The following RBM38 variants were observed in gnomAD, a reference collection of about 807,000 sequenced individuals.
RBM38 encodes the protein RNA-binding protein 38.
In RBM38, 11 loss-of-function variants were observed where a neutral mutation model predicts 23.5. The ratio of observed to expected loss-of-function variants is 0.47; its 90% CI spans 0.29 to 0.77. The LOEUF (loss-of-function observed/expected upper bound fraction) is 0.77. RBM38 is among the 30% of genes least tolerant of loss of function. The pLI is 0.08. For missense variants in RBM38, 330 were observed against 351.9 expected (o/e 0.94, Z 0.50); for synonymous variants, 165 against 166.1 (o/e 0.99, Z 0.05).
chr20:57,392,799 C>T, intron 2 of RBM38, 22 bp downstream of exon 2: 1 of 1,607,932 alleles, frequency 6.2e-7, no homozygotes, highest in Non-Finnish European at 8.5e-7. Context: ...TGTTTTCCTG[C>T]CTGGCTCTTC....
intron 1 of RBM38, 114 bp from the exon 2 acceptor site, chr20:57,392,540 C>T (rs755613980): frequency 1.5e-4 from 227 of 1,517,412 alleles, no homozygotes; most frequent in Non-Finnish European, 2.0e-4. Context: ...TCACAGGCAC[C>T]CTCAGAGGAA....
intron 3 of RBM38, among the ~76,000 whole-genome samples, chr20:57,399,479 G>A (rs914213171): frequency 6.6e-6 from 1 of 152,212 alleles, no homozygotes; most frequent in African/African-American, 2.4e-5. Context: ...GGGAAAGAAA[G>A]AGGAGTCCAA....
At position 57,407,546 on chromosome 20, in the gene RBM38, G is replaced by T; in HGVS notation, c.420G>T (p.Leu140=). ...CCTGCTCTGCTTGGCCCCACAGGCT[G>T]ACCCCGCACTACATCTACCCACCAG... ...HPTLIQRTYG[L]TPHYIYPPAI... is the part of the protein sequence containing the mutation. Residue 140 remains leucine, a synonymous_variant, in exon 4 of 4, where the codon CTG becomes CTT. Coordinates refer to ENST00000356208, the MANE Select transcript of RBM38 (RefSeq NM_017495.6). The surrounding 1 kb of genome is among the most constrained non-coding windows in gnomAD (Gnocchi z 4.0). The T allele has an allele frequency of 1.9e-6, 3 of 1,613,270 alleles. No homozygotes were observed. Among genetic ancestry groups the T allele is most frequent in the African/African-American group, 2.7e-5 (2 of 75,026 alleles).
In RBM38 at chr20:57,391,567, G is replaced by A. The variant is rs540339455; in HGVS notation, c.-15G>A. 1.5e-3 allele frequency: 1,682 copies of A among 1,099,896 alleles called. 7 individuals carry two copies. Among genetic ancestry groups the A allele is most frequent in the South Asian group, 0.012 (290 of 23,386 alleles). The allele number at this position is 1,099,896 out of a possible 1,614,324, so 68.1% of individuals were successfully genotyped here. A position where few individuals can be genotyped will look rare whatever the true frequency, so the allele number is the denominator to read the frequency against. On this transcript the variant is annotated 5_prime_UTR_variant, in exon 1 of 4. Transcript: ENST00000356208. ...CCCCGCGCGGCCCGGGTCCGTAGGC[G>A]GCGGGGCGCCCCCCATGCTGCTGCA...
Position 57,408,813 on chromosome 20 carries a change from C to A in RBM38, c.*967C>A, listed in dbSNP as rs1255780399. ...CCGTCACTGCGACGTTGACACTCCT[C>A]TCCCTTCCCTTCCTCCCCAACTCCC... is the stretch of plus-strand genomic sequence containing the variant. On this transcript the variant is annotated 3_prime_UTR_variant, in exon 4 of 4. Transcript: ENST00000356208. The A allele has an allele frequency of 1.3e-5, 2 of 152,580 alleles. No individual in the cohort carries two copies. Among genetic ancestry groups the A allele is most frequent in the Non-Finnish European group, 2.9e-5 (2 of 68,066 alleles). The allele number at this position is 152,580 out of a possible 1,614,324, so 9.5% of individuals were successfully genotyped here.
intron 3 of RBM38, among the ~76,000 whole-genome samples, chr20:57,394,790 C>T (rs1283634329): frequency 1.3e-5 from 2 of 152,204 alleles, no homozygotes; most frequent in East Asian, 1.9e-4. Flanking sequence ...CCCAGGCCCA[C>T]AGCAGGCGCC....
At chr20:57,400,925 C>G (rs1450496908) in intron 3 of RBM38, among the ~76,000 whole-genome samples, 2 of 152,172 alleles carry the variant, frequency 1.3e-5, no homozygotes, top group Non-Finnish European at 2.9e-5. Flanking sequence ...GCGCGTGGGA[C>G]TCCAGCAGCG....
intron 3 of RBM38, among the ~76,000 whole-genome samples, chr20:57,404,708 G>T (rs1031546566): frequency 6.6e-6 from 1 of 152,272 alleles, no homozygotes; most frequent in Non-Finnish European, 1.5e-5. Context: ...AGAGAGCTGG[G>T]AGTCCAGACA....
intron 3 of RBM38, among the ~76,000 whole-genome samples, chr20:57,394,804 G>A (rs930091830): frequency 1.3e-4 from 20 of 152,206 alleles, no homozygotes; most frequent in Admixed American, 3.3e-4. Flanking sequence ...AGGCGCCTGG[G>A]GGCATGGACT....
chr20:57,391,800 G>A lies in RBM38; in HGVS notation c.219G>A (p.Lys73=). 1 of 1,561,062 alleles carries A rather than the reference G, an allele frequency of 6.4e-7. No individual in the cohort carries two copies. Among genetic ancestry groups the A allele is most frequent in the East Asian group, 2.5e-5 (1 of 39,766 alleles). Residue 73 remains lysine, a synonymous_variant, in exon 1 of 4, where the codon AAG becomes AAA. Transcript: ENST00000356208. ...AVVITDRQTG[K]SRGYGFVTMA... ...TCATCACCGACCGCCAGACGGGCAAGTCCCGCGGCTACGGCTTCGTAAGTG... is the reference window on the plus strand; with the variant it reads ...TCATCACCGACCGCCAGACGGGCAAATCCCGCGGCTACGGCTTCGTAAGTG...
chr20:57,393,185 G>T, intron 2 of RBM38, 94 bp from the exon 3 acceptor site: 4 of 1,183,370 alleles, frequency 3.4e-6, no homozygotes, highest in South Asian at 1.2e-5. Flanking sequence ...TTGACTAGAG[G>T]TGTGTGGCTT....
At chr20:57,406,219 C>T (rs1175728221) in intron 3 of RBM38, among the ~76,000 whole-genome samples, 1 of 152,184 alleles carries the variant, frequency 6.6e-6, no homozygotes, top group African/African-American at 2.4e-5. Context: ...AGCGGCTTGC[C>T]CCAGGCCACC....
intron 3 of RBM38, among the ~76,000 whole-genome samples, chr20:57,399,518 A>G (rs1195166424): frequency 6.6e-6 from 1 of 152,190 alleles, no homozygotes; most frequent in Non-Finnish European, 1.5e-5. Flanking sequence ...GGCCTTTGAA[A>G]TGGGAGATGG....
chr20:57,401,165 C>T (rs1600753526), intron 3 of RBM38, among the ~76,000 whole-genome samples: 1 of 152,204 alleles, frequency 6.6e-6, no homozygotes, highest in East Asian at 1.9e-4. Flanking sequence ...GAGGGAGGGC[C>T]TCTGTCCCTC....
rs541135347 is a variant in RBM38 at position 57,401,560 on chromosome 20, C to T, written c.417-5983C>T. ...TCAGATGCTCAGCACTGGGCACCTG[C>T]TGTGCTGGGGCACTTGGGACGCAGC... On this transcript the variant is annotated intron_variant, in intron 3 of 3. Coordinates refer to ENST00000356208, the MANE Select transcript of RBM38 (RefSeq NM_017495.6). 3.3e-5 allele frequency among the ~76,000 whole-genome samples: 5 copies of T among 152,368 alleles called. No homozygotes were observed. The South Asian group carries it at 1.0e-3, about 32-fold the overall frequency.
rs2067407821 is a variant in RBM38 at position 57,408,190 on chromosome 20, A to G, written c.*344A>G. The G allele has an allele frequency of 5.0e-6, 2 of 402,740 alleles. No individual in the cohort carries two copies. Among genetic ancestry groups the G allele is most frequent in the Non-Finnish European group, 9.3e-6 (2 of 214,026 alleles). 24.9% of individuals were successfully genotyped at this position (402,740 alleles called of 1,614,324 possible). ...CTCAGGCTTGTGTCCCCACTGCTGC[A>G]TCGTGGCGGGGTGTCACAGACCCTC... On this transcript the variant is annotated 3_prime_UTR_variant, in exon 4 of 4. Coordinates refer to ENST00000356208, the MANE Select transcript of RBM38 (RefSeq NM_017495.6).
intron 3 of RBM38, among the ~76,000 whole-genome samples, chr20:57,405,017 C>T (rs1304288427): frequency 6.6e-6 from 1 of 152,218 alleles, no homozygotes; most frequent in Non-Finnish European, 1.5e-5. Context: ...CTCATCCACT[C>T]TTCAGACACT....
intron 3 of RBM38, among the ~76,000 whole-genome samples, chr20:57,401,955 T>C (rs1019366372): frequency 1.3e-5 from 2 of 152,008 alleles, no homozygotes; most frequent in African/African-American, 4.8e-5. Flanking sequence ...TGTTTTCGTT[T>C]GTTTGTTTTT....
Position 57,406,984 on chromosome 20 carries a change from ACT to A in RBM38, c.417-556_417-555del, listed in dbSNP as rs537078965. ...ACTCCAGCCTGGGGAACAGAGCGAG[ACT>A]CTGTCTCAAAAAAAAAAAAAAAAAC... is the stretch of plus-strand genomic sequence containing the variant. On this transcript the variant is annotated intron_variant, in intron 3 of 3. Transcript: ENST00000356208. 5.8e-5 allele frequency among the ~76,000 whole-genome samples: 8 copies of A among 137,048 alleles called. No individual in the cohort carries two copies. The South Asian group carries it at 1.8e-3, about 31-fold the overall frequency. The allele number at this position is 137,048 out of a possible 152,430, so 89.9% of individuals were successfully genotyped here. A position where few individuals can be genotyped will look rare whatever the true frequency, so the allele number is the denominator to read the frequency against.
Sources: gnomAD v4.1 joint callset for allele counts (sites outside exome capture counted in the v4.1 genomes callset) on GRCh38, gnomAD v4.1.1 for gene constraint, Gnocchi (gnomAD v3.1) non-coding constraint, MANE v1.5 for transcripts, NCBI Gene and HGNC (gene_info 2026-07-23, HGNC 2026-07-21) for gene names.